Variants in DRC11 observed in about 807,000 individuals in gnomAD.
The protein encoded by DRC11 is IQ and AAA domain-containing protein 1.
the DRC11 span, chr2:236,363,875 T>C: frequency 6.2e-7 from 1 of 1,613,930 alleles, no homozygotes; most frequent in African/African-American, 1.3e-5. The surrounding 1 kb of genome is among the most constrained non-coding windows in gnomAD (Gnocchi z 5.6). Context: ...TTGGCTCCCG[T>C]TTCGGTGCAG....
At chr2:236,358,467 T>A in the DRC11 span, among the ~76,000 whole-genome samples, 1 of 141,950 alleles carries the variant, frequency 7.0e-6, no homozygotes, top group Admixed American at 7.1e-5. Context: ...TATAAATATT[T>A]GATAAATATT....
the DRC11 span, among the ~76,000 whole-genome samples, chr2:236,402,520 C>T: frequency 4.6e-5 from 7 of 152,150 alleles, no homozygotes; most frequent in African/African-American, 7.2e-5. This position sits in a 1 kb window ranked among gnomAD's most constrained non-coding sequence, Gnocchi z 6.0. Context: ...CCGGGGTGCT[C>T]GGGAGAGGAC....
At chr2:236,365,578 C>A in the DRC11 span, among the ~76,000 whole-genome samples, 1 of 151,944 alleles carries the variant, frequency 6.6e-6, no homozygotes, top group East Asian at 1.9e-4. The surrounding 1 kb of genome is among the most constrained non-coding windows in gnomAD (Gnocchi z 7.4). Context: ...AAGGAGAGAA[C>A]AGTGCTGAGG....
At chr2:236,441,102 C>A in the DRC11 span, 2 of 1,559,792 alleles carry the variant, frequency 1.3e-6, no homozygotes, top group South Asian at 2.4e-5. Context: ...TCAGGGTAGT[C>A]AGGAAATGTC....
chr2:236,401,775 A>C, the DRC11 span, among the ~76,000 whole-genome samples: 7 of 117,494 alleles, frequency 6.0e-5, no homozygotes, highest in Non-Finnish European at 7.0e-5. The surrounding 1 kb of genome is among the most constrained non-coding windows in gnomAD (Gnocchi z 4.6). Flanking sequence ...AGAGGGGGGA[A>C]GGGGAGGGAC....
At chr2:236,417,323 G>A in the DRC11 span, among the ~76,000 whole-genome samples, 1 of 152,068 alleles carries the variant, frequency 6.6e-6, no homozygotes, top group Non-Finnish European at 1.5e-5. Context: ...CTCTCTCACT[G>A]TGACCTGGCA....
the DRC11 span, among the ~76,000 whole-genome samples, chr2:236,473,194 T>C: frequency 2.0e-4 from 31 of 152,188 alleles, no homozygotes; most frequent in Admixed American, 2.0e-3. This position sits in a 1 kb window ranked among gnomAD's most constrained non-coding sequence, Gnocchi z 4.8. Flanking sequence ...AGTGTGATCA[T>C]CAAAGAGCAT....
chr2:236,327,659 CACAG>C, the DRC11 span, among the ~76,000 whole-genome samples: 2 of 152,124 alleles, frequency 1.3e-5, no homozygotes, highest in African/African-American at 2.4e-5. Flanking sequence ...TTGTCCAGTC[CACAG>C]ACAATTTATT....
the DRC11 span, chr2:236,408,303 C>T: frequency 6.3e-6 from 5 of 799,560 alleles, no homozygotes; most frequent in Non-Finnish European, 1.1e-5. The surrounding 1 kb of genome is among the most constrained non-coding windows in gnomAD (Gnocchi z 5.5). Flanking sequence ...AGGCAGGATG[C>T]CATGCCCCAA....
chr2:236,359,515 C>A, the DRC11 span, among the ~76,000 whole-genome samples: 16 of 152,154 alleles, frequency 1.1e-4, no homozygotes, highest in Admixed American at 1.0e-3. This position sits in a 1 kb window ranked among gnomAD's most constrained non-coding sequence, Gnocchi z 4.3. Context: ...CCGAGATTAA[C>A]TTGGTAACAG....
chr2:236,465,812 T>C, the DRC11 span: 1 of 725,262 alleles, frequency 1.4e-6, no homozygotes, highest in Non-Finnish European at 2.4e-6. The surrounding 1 kb of genome is among the most constrained non-coding windows in gnomAD (Gnocchi z 6.2). Context: ...CCATAGTGTC[T>C]AGCAAAGGCA....
the DRC11 span, among the ~76,000 whole-genome samples, chr2:236,484,876 T>A: frequency 4.5e-4 from 69 of 152,350 alleles, no homozygotes; most frequent in African/African-American, 1.5e-3. Context: ...CCCCATTCCT[T>A]GGTGCCTCCT....
the DRC11 span, among the ~76,000 whole-genome samples, chr2:236,333,581 G>C: frequency 3.3e-5 from 5 of 152,174 alleles, no homozygotes; most frequent in African/African-American, 1.2e-4. This position sits in a 1 kb window ranked among gnomAD's most constrained non-coding sequence, Gnocchi z 6.0. Context: ...ATCCCAGGCT[G>C]GGTTTCATGC....
the DRC11 span, among the ~76,000 whole-genome samples, chr2:236,506,961 T>C: frequency 4.6e-5 from 7 of 152,206 alleles, no homozygotes; most frequent in Admixed American, 6.5e-5. This position sits in a 1 kb window ranked among gnomAD's most constrained non-coding sequence, Gnocchi z 4.9. Flanking sequence ...TTCTCAGCAA[T>C]AGCCCCTAAG....
At chr2:236,467,583 C>T in the DRC11 span, among the ~76,000 whole-genome samples, 1 of 152,162 alleles carries the variant, frequency 6.6e-6, no homozygotes, top group Non-Finnish European at 1.5e-5. Flanking sequence ...ATGGCGAACA[C>T]TGTTGTGCTT....
the DRC11 span, among the ~76,000 whole-genome samples, chr2:236,450,846 A>G: frequency 6.6e-6 from 1 of 152,288 alleles, no homozygotes; most frequent in East Asian, 1.9e-4. Context: ...TTGACTATCC[A>G]GTGCCATTTG....
At chr2:236,507,138 G>C in the DRC11 span, 1 of 955,912 alleles carries the variant, frequency 1.0e-6, no homozygotes, top group Non-Finnish European at 1.6e-6. Context: ...GGGAGAGGAG[G>C]GAAGTTGAGA....
the DRC11 span, among the ~76,000 whole-genome samples, chr2:236,464,354 C>T: frequency 6.6e-6 from 1 of 152,064 alleles, no homozygotes; most frequent in Non-Finnish European, 1.5e-5. Context: ...GATGCAATAC[C>T]CCATCAAGAA....
the DRC11 span, among the ~76,000 whole-genome samples, chr2:236,371,322 G>T: frequency 6.6e-6 from 1 of 152,274 alleles, no homozygotes; most frequent in Non-Finnish European, 1.5e-5. The surrounding 1 kb of genome is among the most constrained non-coding windows in gnomAD (Gnocchi z 5.1). Context: ...AAGGAACCAA[G>T]ATAATAAATT....
Sources: allele counts gnomAD v4.1 joint callset (sites outside exome capture counted in the v4.1 genomes callset), GRCh38; gene constraint gnomAD v4.1.1; non-coding constraint Gnocchi (gnomAD v3.1); transcripts MANE v1.5; gene names NCBI Gene and HGNC (gene_info 2026-07-23, HGNC 2026-07-21).